NBAS: variants seen among roughly 807,000 people sequenced by gnomAD.
NBAS encodes the protein NBAS subunit of NRZ tethering complex, also known as NAG/BC035112 fusion.
A neutral mutation model predicts 302.5 loss-of-function variants in NBAS; 219 were observed. That is an observed-to-expected ratio of 0.72 (90% CI 0.65 to 0.81). NBAS has a LOEUF of 0.81. Ranked by LOEUF, NBAS falls within the 30% of genes least tolerant of loss-of-function variation. NBAS has a pLI of 0.00. For synonymous variants in NBAS, 1,118 were observed against 1,021.6 expected (o/e 1.09, Z -1.80); for missense variants, 2,932 against 2,841.6 (o/e 1.03, Z -0.72).
At chr2:15,402,412 A>G (rs1676200146) in intron 25 of NBAS, 111 bp from the exon 26 acceptor site, 1 of 1,050,066 alleles carries the variant, frequency 9.5e-7, no homozygotes, top group African/African-American at 1.6e-5. Context: ...AATCAACTAT[A>G]GAAACAAGTC....
intron 20 of NBAS, 59 bp downstream of exon 20, chr2:15,461,628 C>T (rs942561030): frequency 9.5e-7 from 1 of 1,054,520 alleles, no homozygotes; most frequent in Non-Finnish European, 1.4e-6. Context: ...AACTGCACAG[C>T]TCAAAGATTT....
chr2:15,286,767 C>T (rs1288308396), intron 42 of NBAS, among the ~76,000 whole-genome samples: 1 of 152,200 alleles, frequency 6.6e-6, no homozygotes, highest in Non-Finnish European at 1.5e-5. Flanking sequence ...CAATTATCAT[C>T]TGTCTCCTAC....
the NBAS span, among the ~76,000 whole-genome samples, chr2:14,921,157 T>A: frequency 6.6e-6 from 1 of 152,088 alleles, no homozygotes; most frequent in Admixed American, 6.5e-5. Context: ...AGTATTGCTG[T>A]GTCTCAGGGA....
At chr2:15,020,663 GAA>G in the NBAS span, among the ~76,000 whole-genome samples, 13 of 152,202 alleles carry the variant, frequency 8.5e-5, no homozygotes, top group South Asian at 2.1e-4. Flanking sequence ...GAGCAAGAGT[GAA>G]AGAGGAAGAT....
At chr2:14,834,816 T>C in the NBAS span, among the ~76,000 whole-genome samples, 1 of 151,930 alleles carries the variant, frequency 6.6e-6, no homozygotes, top group Non-Finnish European at 1.5e-5. Flanking sequence ...CTGACATAAG[T>C]CAGTACAAGC....
the NBAS span, among the ~76,000 whole-genome samples, chr2:14,947,502 C>A: frequency 3.7e-4 from 56 of 152,040 alleles, no homozygotes; most frequent in Middle Eastern, 6.8e-3. Flanking sequence ...AAACCAATAA[C>A]AAGTAAAGAG....
the NBAS span, among the ~76,000 whole-genome samples, chr2:14,951,456 T>A: frequency 6.6e-6 from 1 of 152,074 alleles, no homozygotes; most frequent in Non-Finnish European, 1.5e-5. Flanking sequence ...ATTACCCACG[T>A]CTGGATTATA....
chr2:15,523,422 A>G (rs1662771805), intron 9 of NBAS, among the ~76,000 whole-genome samples: 1 of 151,758 alleles, frequency 6.6e-6, no homozygotes, highest in African/African-American at 2.4e-5. Context: ...ACAACTATTT[A>G]TAGAGCATTT....
chr2:15,397,195 G>A (rs567197825), intron 26 of NBAS, among the ~76,000 whole-genome samples: 41 of 152,196 alleles, frequency 2.7e-4, no homozygotes, highest in African/African-American at 9.4e-4. Context: ...ACAGGGATAT[G>A]GTGAAAAAGA....
Position 15,511,366 on chromosome 2 carries a change from T to G in NBAS, c.747-16A>C, listed in dbSNP as rs780298113. 2 of 1,611,648 alleles carry G rather than the reference T, an allele frequency of 1.2e-6. No individual in the cohort carries two copies. Among genetic ancestry groups the G allele is most frequent in the East Asian group, 4.5e-5 (2 of 44,844 alleles). ...AAGTAAAAGTCTAAAAAGGAGAAAATTTTTAAAAATCGATAAATTGCAAAT... is the reference window on the plus strand; with the variant it reads ...AAGTAAAAGTCTAAAAAGGAGAAAAGTTTTAAAAATCGATAAATTGCAAAT... On this transcript the variant is annotated splice_polypyrimidine_tract_variant and intron_variant, in intron 9 of 51. Transcript: ENST00000281513.
At chr2:14,812,991 T>C in the NBAS span, among the ~76,000 whole-genome samples, 1 of 152,180 alleles carries the variant, frequency 6.6e-6, no homozygotes, top group Admixed American at 6.5e-5. Flanking sequence ...CTTCATTCTC[T>C]CTTACCTGCC....
chr2:15,533,942 T>C (rs1663356633), intron 9 of NBAS, among the ~76,000 whole-genome samples: 1 of 152,234 alleles, frequency 6.6e-6, no homozygotes, highest in South Asian at 2.1e-4. Context: ...TTCCCATTTA[T>C]GAAACCAAAC....
chr2:15,392,023 A>C (rs547996511), intron 28 of NBAS, among the ~76,000 whole-genome samples: 1 of 150,794 alleles, frequency 6.6e-6, no homozygotes, highest in East Asian at 1.9e-4. Context: ...TAGCACTACC[A>C]AAAAAAAAAT....
the NBAS span, among the ~76,000 whole-genome samples, chr2:14,995,138 C>A: frequency 6.6e-6 from 1 of 152,094 alleles, no homozygotes; most frequent in East Asian, 1.9e-4. Flanking sequence ...TACACATGTG[C>A]CATGTTGGTG....
chr2:15,248,441 G>T (rs1209723669), intron 44 of NBAS, among the ~76,000 whole-genome samples: 1 of 152,096 alleles, frequency 6.6e-6, no homozygotes, highest in East Asian at 1.9e-4. Context: ...CAGAAGGCAA[G>T]AAATAACTAT....
chr2:15,128,962 G>T, the NBAS span, among the ~76,000 whole-genome samples: 1 of 152,214 alleles, frequency 6.6e-6, no homozygotes, highest in African/African-American at 2.4e-5. Flanking sequence ...GGAGATAGAG[G>T]GAAAGGGTCC....
chr2:15,353,685 A>G lies in NBAS; in HGVS notation c.3957T>C (p.Cys1319=), dbSNP rs984233162. 8.1e-6 allele frequency: 13 copies of G among 1,614,096 alleles called. No individual in the cohort carries two copies. The highest frequency in any genetic ancestry group is 1.1e-5 in the South Asian group (1 of 91,088). ...ATGYPKSWDV[C]SQLGQSEGYQ... ...AACCTTCTGATTGTCCTAACTGGCT[A>G]CAAACATCCCAACTTTTAGGATAAC... The change falls in exon 34 of 52, where the codon TGT becomes TGC. Residue 1319 remains cysteine, a synonymous_variant. Transcript: ENST00000281513.
chr2:15,277,185 A>G, intron 42 of NBAS, 84 bp from the exon 43 acceptor site: 2 of 1,508,278 alleles, frequency 1.3e-6, no homozygotes, highest in East Asian at 2.4e-5. Flanking sequence ...AAGAAACACT[A>G]CTTCTTATAG....
chr2:15,341,449 C>G (rs1160938697), intron 35 of NBAS, among the ~76,000 whole-genome samples: 1 of 151,426 alleles, frequency 6.6e-6, no homozygotes, highest in East Asian at 1.9e-4. Context: ...ACTGTTAACA[C>G]CCATAGATTA....
Sources: gnomAD v4.1 joint callset for allele counts (sites outside exome capture counted in the v4.1 genomes callset) on GRCh38, gnomAD v4.1.1 for gene constraint, MANE v1.5 for transcripts, NCBI Gene and HGNC (gene_info 2026-07-23, HGNC 2026-07-21) for gene names.